The following SCRIB variants were observed in gnomAD, a reference collection of about 807,000 sequenced individuals.
The protein encoded by SCRIB is scribble planar cell polarity protein, also known as protein scribble homolog.
In SCRIB, 72 loss-of-function variants were observed where a neutral mutation model predicts 170.0. That is an observed-to-expected ratio of 0.42 (90% CI 0.35 to 0.52). The LOEUF is 0.52. Among genes scored for constraint, SCRIB ranks in the 20% least tolerant of loss-of-function variants. The pLI, the probability that SCRIB is intolerant of heterozygous loss-of-function variation, is 0.02. For synonymous variants in SCRIB, 1,298 were observed against 1,044.3 expected (o/e 1.24, Z -4.68); for missense variants, 2,475 against 2,338.5 (o/e 1.06, Z -1.20).
intron 24 of SCRIB, among the ~76,000 whole-genome samples, chr8:143,799,589 C>T (rs1422139090): frequency 3.3e-5 from 5 of 152,190 alleles, no homozygotes; most frequent in African/African-American, 7.2e-5. Flanking sequence ...GGGTCGGCGC[C>T]GACCATGGCG....
At position 143,807,017 on chromosome 8, in the gene SCRIB, G is replaced by C; in HGVS notation, c.2179-4C>G. On this transcript the variant is annotated splice_polypyrimidine_tract_variant and splice_region_variant and intron_variant, in intron 16 of 36. Transcript: ENST00000356994. Reference sequence around the variant, plus strand: ...GCCGCAGGATAGTGAGGGTCAGCTGGAAACAGAACAGACAGGGTGTCTAGA... The same window carrying C: ...GCCGCAGGATAGTGAGGGTCAGCTGCAAACAGAACAGACAGGGTGTCTAGA... 2 of 1,607,742 alleles carry C rather than the reference G, an allele frequency of 1.2e-6. No individual in the cohort carries two copies. The highest frequency in any genetic ancestry group is 8.5e-7 in the Non-Finnish European group (1 of 1,176,196).
intron 24 of SCRIB, among the ~76,000 whole-genome samples, chr8:143,800,557 C>T (rs1815132582): frequency 6.6e-6 from 1 of 152,228 alleles, no homozygotes; most frequent in Non-Finnish European, 1.5e-5. Flanking sequence ...CACCGGGGGA[C>T]ACCCTAGAGA....
At chr8:143,793,792 A>G in intron 28 of SCRIB, 108 bp downstream of exon 28, 2 of 1,118,728 alleles carry the variant, frequency 1.8e-6, no homozygotes, top group Non-Finnish European at 2.6e-6. Flanking sequence ...ACAGCACCCC[A>G]CGATGGCCCC....
rs1287596192 is a variant in SCRIB at position 143,815,196 on chromosome 8, G to A, written c.159+18C>T. 16 of 1,554,180 alleles carry A rather than the reference G, an allele frequency of 1.0e-5. No homozygotes were observed. The highest frequency in any genetic ancestry group is 1.2e-5 in the South Asian group (1 of 86,322). On this transcript the variant is annotated intron_variant, in intron 1 of 36. Coordinates refer to ENST00000356994, the MANE Select transcript of SCRIB (RefSeq NM_182706.5). ...CTGGGGGCGCGCCTTTGGGCGGCAG[G>A]TGCGGGCGGCCGCTCACCTTGGGCA... is the stretch of plus-strand genomic sequence containing the variant.
chr8:143,807,460 C>T, intron 16 of SCRIB, 92 bp downstream of exon 16: 2 of 1,047,846 alleles, frequency 1.9e-6, no homozygotes, highest in Non-Finnish European at 1.5e-6. Flanking sequence ...GATCTGCGCT[C>T]AAGCAACAGG....
chr8:143,796,115 A>G (rs1814931567), intron 24 of SCRIB, among the ~76,000 whole-genome samples: 1 of 152,134 alleles, frequency 6.6e-6, no homozygotes, highest in African/African-American at 2.4e-5. Flanking sequence ...GGCAGGGCAG[A>G]GGGGGGCGAG....
At position 143,792,006 on chromosome 8, in the gene SCRIB, G is replaced by A. The variant is rs1554632861; in HGVS notation, c.4642C>T (p.Pro1548Ser). The change falls in exon 33 of 37, where the codon CCC becomes TCC. Residue 1548 changes from proline to serine, a missense_variant. Pro to Ser is a moderately conservative substitution (Grantham distance 74). Around this residue, in one of 3 missense-constraint regions of SCRIB, gnomAD observed 1,966 missense variants for 1,742.9 expected, o/e 1.13. Coordinates refer to ENST00000356994, the MANE Select transcript of SCRIB (RefSeq NM_182706.5). ...ACCCACAGACCTTCCACAGGGGTGG[G>A]CGACGGGGTGGGCGCAGGGGAAGGG... Reference protein sequence around the residue: ...EAPSPAPTPSPTPVEDLGPQT... With the variant: ...EAPSPAPTPSSTPVEDLGPQT... 2.6e-6 allele frequency: 4 copies of A among 1,529,664 alleles called. No homozygotes were observed. The highest frequency in any genetic ancestry group is 3.5e-6 in the Non-Finnish European group (4 of 1,140,334). 94.8% of individuals were successfully genotyped at this position (1,529,664 alleles called of 1,614,324 possible).
intron 18 of SCRIB, among the ~76,000 whole-genome samples, chr8:143,805,841 G>GA (rs1250714860): frequency 6.6e-6 from 1 of 152,218 alleles, no homozygotes; most frequent in African/African-American, 2.4e-5. Context: ...CAAAGGTCAG[G>GA]AGAGCTGAGC....
chr8:143,802,747 G>C (rs1286187430), intron 24 of SCRIB, among the ~76,000 whole-genome samples: 1 of 152,246 alleles, frequency 6.6e-6, no homozygotes, highest in Non-Finnish European at 1.5e-5. Flanking sequence ...GGCCAGGCTT[G>C]TCCAGGATCC....
rs377205926 is a variant in SCRIB, at chr8:143,813,294, G to A, written c.567+17C>T. 1.1e-5 allele frequency: 18 copies of A among 1,613,204 alleles called. No individual in the cohort carries two copies. The highest frequency in any genetic ancestry group is 1.3e-5 in the African/African-American group (1 of 74,940). ...TGGCCCGCCCTCCGGTCTCTGCCCT[G>A]TCAGGCCTCCACGCACCAGCACTTC... On this transcript the variant is annotated intron_variant, in intron 6 of 36. Coordinates refer to ENST00000356994, the MANE Select transcript of SCRIB (RefSeq NM_182706.5).
At chr8:143,802,514 T>G (rs1458920139) in intron 24 of SCRIB, among the ~76,000 whole-genome samples, 1 of 152,214 alleles carries the variant, frequency 6.6e-6, no homozygotes, top group Non-Finnish European at 1.5e-5. Flanking sequence ...GAGGAGCAGA[T>G]GGCCCCTCCA....
rs541207564 is a variant in SCRIB, at chr8:143,804,517, G to A, written c.3009+51C>T. On this transcript the variant is annotated intron_variant, in intron 21 of 36. Transcript: ENST00000356994. Reference sequence around the variant, plus strand: ...AAGAGAGCAGGTCCTGGGAAGGCCAGTGCCCACAGCTGAAGCTGGGTGGGT... The same window carrying A: ...AAGAGAGCAGGTCCTGGGAAGGCCAATGCCCACAGCTGAAGCTGGGTGGGT... 3.4e-6 allele frequency: 5 copies of A among 1,476,064 alleles called. No homozygotes were observed. The South Asian group carries it at 5.5e-5, about 16-fold the overall frequency. 91.4% of individuals were successfully genotyped at this position (1,476,064 alleles called of 1,614,324 possible). A position where few individuals can be genotyped will look rare whatever the true frequency, so the allele number is the denominator to read the frequency against.
At chr8:143,798,149 G>T (rs1331467183) in intron 24 of SCRIB, among the ~76,000 whole-genome samples, 1 of 152,056 alleles carries the variant, frequency 6.6e-6, no homozygotes, top group African/African-American at 2.4e-5. Flanking sequence ...CCAGCTACTC[G>T]GGAGGCTGAG....
chr8:143,808,600 G>C lies in SCRIB; in HGVS notation c.2115+9C>G. On this transcript the variant is annotated intron_variant, in intron 15 of 36. Coordinates refer to ENST00000356994, the MANE Select transcript of SCRIB (RefSeq NM_182706.5). ...ATCTGGGTCAGGCAGGGGTGAGGCT[G>C]ACACCAACCTTGACAGAGGGCGCAG... 1 of 1,506,100 alleles carries C rather than the reference G, an allele frequency of 6.6e-7. No homozygotes were observed. Among genetic ancestry groups the C allele is most frequent in the Non-Finnish European group, 8.9e-7 (1 of 1,128,416 alleles). 93.3% of individuals were successfully genotyped at this position (1,506,100 alleles called of 1,614,324 possible). A position where few individuals can be genotyped will look rare whatever the true frequency, so the allele number is the denominator to read the frequency against.
intron 13 of SCRIB, 41 bp from the exon 14 acceptor site, chr8:143,809,759 A>G: frequency 6.3e-7 from 1 of 1,586,720 alleles, no homozygotes. Flanking sequence ...GGAGCTCCCG[A>G]CTCACAGGCT....
At chr8:143,799,945 G>A (rs541533585) in intron 24 of SCRIB, among the ~76,000 whole-genome samples, 22 of 152,172 alleles carry the variant, frequency 1.4e-4, no homozygotes, top group East Asian at 5.8e-4. Context: ...TGGGCAAACC[G>A]ATGCCCACAG....
chr8:143,807,489 C>T, intron 16 of SCRIB, 63 bp downstream of exon 16: 1 of 1,352,994 alleles, frequency 7.4e-7, no homozygotes, highest in African/African-American at 1.4e-5. Context: ...GAGGCGTGAG[C>T]CCACAGCCCG....
At chr8:143,811,848 G>T (rs183295013) in intron 9 of SCRIB, among the ~76,000 whole-genome samples, 2 of 152,270 alleles carry the variant, frequency 1.3e-5, no homozygotes, top group Non-Finnish European at 2.9e-5. Flanking sequence ...CCCAGCCTGG[G>T]GATGGGGATA....
In SCRIB at chr8:143,804,975, G is replaced by A. The variant is rs1361853284; in HGVS notation, c.2710C>T (p.His904Tyr). ...VSRIAEGGAA[H>Y]RAGTLQVGDR... ...CCAACCTGCAGTGTGCCCGCGCGGT[G>A]AGCAGCACCGCCCTCGGCAATGCGG... is the stretch of plus-strand genomic sequence containing the variant. Residue 904 changes from histidine to tyrosine, a missense_variant, in exon 20 of 37, where the codon CAC becomes TAC. Physicochemically the swap from His to Tyr is moderately conservative, Grantham distance 83 (BLOSUM62 2). This residue lies in a region of SCRIB where 1,966 missense variants were observed against 1,742.9 expected (regional missense o/e 1.13). Transcript: ENST00000356994. 5.7e-6 allele frequency: 9 copies of A among 1,584,888 alleles called. No individual in the cohort carries two copies. Among genetic ancestry groups the A allele is most frequent in the African/African-American group, 1.3e-5 (1 of 74,672 alleles).
Sources: allele counts gnomAD v4.1 joint callset (sites outside exome capture counted in the v4.1 genomes callset), GRCh38; gene constraint gnomAD v4.1.1; regional missense constraint gnomAD v4.1.1; transcripts MANE v1.5; gene names NCBI Gene and HGNC (gene_info 2026-07-23, HGNC 2026-07-21).